Variants in TIGD4 observed in about 807,000 individuals in gnomAD.
The protein encoded by TIGD4 is tigger transposable element-derived protein 4.
In TIGD4, 20 loss-of-function variants were observed where a neutral mutation model predicts 24.9. That is an observed-to-expected ratio of 0.80 (90% CI 0.56 to 1.17). TIGD4 has a LOEUF of 1.17. Ranked by LOEUF, TIGD4 falls within the 50% of genes most tolerant of loss-of-function variation. The probability of loss-of-function intolerance (pLI) is 0.00; values close to 1 mark genes in which losing one functional copy is unlikely to be tolerated. For missense variants in TIGD4, 566 were observed against 591.0 expected, an observed-to-expected ratio of 0.96 and a Z score of 0.44; for synonymous variants, 193 against 211.0, an observed-to-expected ratio of 0.91 and a Z score of 0.74.
rs769162427 is a variant in TIGD4, at chr4:152,771,032, T to C, written c.-28A>G. 22 of 1,552,536 alleles carry C rather than the reference T, an allele frequency of 1.4e-5. No homozygotes were observed. The highest frequency in any genetic ancestry group is 6.8e-5 in the East Asian group (3 of 44,222). On this transcript the variant is annotated 5_prime_UTR_variant, in exon 2 of 2. Coordinates refer to ENST00000304337, the MANE Select transcript of TIGD4 (RefSeq NM_145720.4). ...CAGCCAGTGCTTATGTAGAGATTAC[T>C]CTTCTTAACTTCCTGGTGACTGTTT...
At position 152,770,922 on chromosome 4, in the gene TIGD4, T is replaced by C. The variant is rs769409339; in HGVS notation, c.83A>G (p.Asp28Gly). ...GCCACTTTCCACTGCATTTATGATG[T>C]CGATCTTTTCCTCAATGGATAGGCT... The part of the protein sequence containing the change: ...KKSLSIEEKI[D>G]IINAVESGKK... The change falls in exon 2 of 2, where the codon GAC becomes GGC. Residue 28 changes from aspartate to glycine, a missense_variant. Coordinates refer to ENST00000304337, the MANE Select transcript of TIGD4 (RefSeq NM_145720.4). The C allele has an allele frequency of 1.2e-6, 2 of 1,613,876 alleles. No homozygotes were observed. The highest frequency in any genetic ancestry group is 2.2e-5 in the South Asian group (2 of 91,040).
rs538209489 is a variant in TIGD4, at chr4:152,778,426, A to C, written c.-539+1056T>G. On this transcript the variant is annotated intron_variant, in intron 1 of 1. Coordinates refer to ENST00000304337, the MANE Select transcript of TIGD4 (RefSeq NM_145720.4). ...TCCTACACAATTACAGCAGTAATTAATTTAGATTGGGATTATTTTCTTATA... is the reference window on the plus strand; with the variant it reads ...TCCTACACAATTACAGCAGTAATTACTTTAGATTGGGATTATTTTCTTATA... Among the ~76,000 whole-genome samples the C allele has an allele frequency of 4.6e-5, 7 of 152,334 alleles. No homozygotes were observed. The East Asian group carries it at 1.3e-3, about 29-fold the overall frequency.
chr4:152,770,708 C>T lies in TIGD4; in HGVS notation c.297G>A (p.Gln99=). ...EALMRWYRIA[Q]CLNVPVNGPM... is the part of the protein sequence containing the mutation. The stretch of plus-strand genomic sequence containing the variant: ...GACCATTAACTGGTACATTTAGACA[C>T]TGAGCAATTCGATACCATCTCATTA... Residue 99 remains glutamine (Q), a synonymous_variant, in exon 2 of 2, where the codon CAG becomes CAA. Transcript: ENST00000304337. The T allele has an allele frequency of 6.2e-7, 1 of 1,613,660 alleles. No individual in the cohort carries two copies. The highest frequency in any genetic ancestry group is 8.5e-7 in the Non-Finnish European group (1 of 1,179,862).
At chr4:152,773,642 TAAAAAAAAA>T (rs71598212) in intron 1 of TIGD4, among the ~76,000 whole-genome samples, 1 of 82,132 alleles carries the variant, frequency 1.2e-5, no homozygotes, top group African/African-American at 5.3e-5. Flanking sequence ...TCCAATGCCT[TAAAAAAAAA>T]AAAAAAAAAA....
chr4:152,770,424 G>A lies in TIGD4; in HGVS notation c.581C>T (p.Thr194Ile). ...TTCGCCTTTAAATGCAAATGTATTG[G>A]TAGGTAACATTCGATAAAGCAGCCC... ...ETGLLYRMLP[T>I]NTFAFKGETC... Residue 194 changes from threonine to isoleucine, a missense_variant, in exon 2 of 2, where the codon ACC (threonine) becomes ATC (isoleucine). Transcript: ENST00000304337. 1 of 1,613,916 alleles carries A rather than the reference G, an allele frequency of 6.2e-7. No individual in the cohort carries two copies. The highest frequency in any genetic ancestry group is 2.2e-5 in the East Asian group (1 of 44,882).
intron 1 of TIGD4, among the ~76,000 whole-genome samples, chr4:152,775,106 G>A (rs1290636342): frequency 2.6e-5 from 4 of 151,990 alleles, no homozygotes; most frequent in African/African-American, 7.3e-5. Context: ...TAGTAGAGAC[G>A]GGGATTCACC....
rs1445402349 is a variant in TIGD4 at position 152,770,665 on chromosome 4, C to T, written c.340G>A (p.Ala114Thr). Residue 114 changes from alanine to threonine, a missense_variant, in exon 2 of 2, where the codon GCT (alanine) becomes ACT (threonine). Transcript: ENST00000304337. ...CCCAGTTTCTGGGCAAAATCATTAG[C>T]TTTTAGACGTAACATCGGACCATTA... ...PVNGPMLRLK[A>T]NDFAQKLGHN... is the part of the protein sequence containing the mutation. The T allele has an allele frequency of 1.2e-6, 2 of 1,608,324 alleles. No homozygotes were observed. Among genetic ancestry groups the T allele is most frequent in the South Asian group, 2.2e-5 (2 of 89,336 alleles).
Position 152,770,118 on chromosome 4 carries a change from AC to A in TIGD4, c.886del (p.Val296Ter). The A allele has an allele frequency of 6.2e-7, 1 of 1,614,054 alleles. No homozygotes were observed. On this transcript the variant is annotated frameshift_variant, in exon 2 of 2. Coordinates refer to ENST00000304337, the MANE Select transcript of TIGD4 (RefSeq NM_145720.4). LOFTEE classifies it high-confidence loss of function. The stretch of plus-strand genomic sequence containing the variant: ...TAACTCAATGGATTTTAGGTTCTTT[AC>A]CTCTGGATGTGCTGGAAAAGACTCA... ...FVESFPAHPE[V>X]KNLKSIELAF...
rs1366434511 is a variant in TIGD4 at position 152,770,244 on chromosome 4, GCTTCATAA to G, written c.753_760del (p.Tyr252Ter). ...GGAGGTCATCCATGCCATTCTGTTA[GCTTCATAA>G]CACACAGGCAATGATTTTAAACCTT... On this transcript the variant is annotated frameshift_variant, in exon 2 of 2. Transcript: ENST00000304337. LOFTEE classifies it high-confidence loss of function. 6.2e-7 allele frequency: 1 copy of G among 1,614,070 alleles called. No homozygotes were observed. Among genetic ancestry groups the G allele is most frequent in the African/African-American group, 1.3e-5 (1 of 75,044 alleles).
In TIGD4 at chr4:152,770,576, T is replaced by C; in HGVS notation, c.429A>G (p.Val143=). The C allele has an allele frequency of 1.9e-6, 3 of 1,611,236 alleles. No homozygotes were observed. The highest frequency in any genetic ancestry group is 2.5e-6 in the Non-Finnish European group (3 of 1,178,600). Residue 143 remains valine, a synonymous_variant, in exon 2 of 2, where the codon GTA becomes GTG. Coordinates refer to ENST00000304337, the MANE Select transcript of TIGD4 (RefSeq NM_145720.4). The part of the protein sequence containing the change: ...LDRFKSRYGL[V]FRAQPVEATG... ...TAGCTTCTACAGGTTGAGCTCTGAA[T>C]ACTAAACCATACCTGGATTTAAAAC...
intron 1 of TIGD4, among the ~76,000 whole-genome samples, chr4:152,777,882 T>C (rs1730284575): frequency 6.6e-6 from 1 of 152,136 alleles, no homozygotes; most frequent in Admixed American, 6.5e-5. Flanking sequence ...TTTCTAGTGT[T>C]TTCTTGGAGC....
rs1317183089 is a variant in TIGD4 at position 152,770,483 on chromosome 4, A to C, written c.522T>G (p.Tyr174Ter). The change falls in exon 2 of 2, where the codon TAT becomes TAG. Residue 174 changes from tyrosine (Y) to a stop codon, truncating the protein, a stop_gained. Coordinates refer to ENST00000304337, the MANE Select transcript of TIGD4 (RefSeq NM_145720.4). LOFTEE classifies it high-confidence loss of function. ...QNVLPYYLND[Y>*]HPKNVFNIKE... ...TTATATTAAAAACATTTTTAGGATGATAATCATTTAAATAATAAGGAAGTA... is the reference window on the plus strand; with the variant it reads ...TTATATTAAAAACATTTTTAGGATGCTAATCATTTAAATAATAAGGAAGTA... The C allele has an allele frequency of 6.2e-7, 1 of 1,610,688 alleles. No homozygotes were observed.
chr4:152,775,117 G>T (rs955977691), intron 1 of TIGD4, among the ~76,000 whole-genome samples: 1 of 152,034 alleles, frequency 6.6e-6, no homozygotes, highest in Non-Finnish European at 1.5e-5. Context: ...GGGATTCACC[G>T]TGTTAGTCAG....
Position 152,771,508 on chromosome 4 carries a change from T to C in TIGD4, c.-504A>G, listed in dbSNP as rs1355324554. 6.0e-6 allele frequency: 1 copy of C among 166,094 alleles called. No individual in the cohort carries two copies. The highest frequency in any genetic ancestry group is 1.5e-5 in the Non-Finnish European group (1 of 68,138). 10.3% of individuals were successfully genotyped at this position (166,094 alleles called of 1,614,324 possible). On this transcript the variant is annotated 5_prime_UTR_variant, in exon 2 of 2. Transcript: ENST00000304337. ...TTGTTCATGGTAAAGAAGAAAATGG[T>C]AGAATCCTTCTAGAACTTGCCAGTA...
rs953387760 is a variant in TIGD4, at chr4:152,779,665, C to G, written c.-722G>C. ...GAGGCGGAGGCCTCCTGGAGACCTTCGACCTCTCAAGACCAGGCAGGGGCG... is the reference window on the plus strand; with the variant it reads ...GAGGCGGAGGCCTCCTGGAGACCTTGGACCTCTCAAGACCAGGCAGGGGCG... On this transcript the variant is annotated 5_prime_UTR_variant, in exon 1 of 2. Coordinates refer to ENST00000304337, the MANE Select transcript of TIGD4 (RefSeq NM_145720.4). 1 of 152,418 alleles carries G rather than the reference C, an allele frequency of 6.6e-6. No homozygotes were observed. The highest frequency in any genetic ancestry group is 1.5e-5 in the Non-Finnish European group (1 of 68,214). 9.4% of individuals were successfully genotyped at this position (152,418 alleles called of 1,614,324 possible).
Position 152,769,951 on chromosome 4 carries a change from G to A in TIGD4, c.1054C>T (p.Leu352=), listed in dbSNP as rs139641622. Residue 352 remains leucine (L), a synonymous_variant, in exon 2 of 2, where the codon CTA becomes TTA. Transcript: ENST00000304337. Reference sequence around the variant, plus strand: ...TGCAATGTATCAACTGCATCTAGTAGTGAAAATGTAAATTCTTTGCTACCT... The same window carrying A: ...TGCAATGTATCAACTGCATCTAGTAATGAAAATGTAAATTCTTTGCTACCT... The part of the protein sequence containing the change: ...VEGSKEFTFS[L]LDAVDTLHLC... 3.1e-6 allele frequency: 5 copies of A among 1,612,916 alleles called. No individual in the cohort carries two copies. In the African/African-American group the frequency reaches 6.7e-5, roughly 22 times the overall value.
Position 152,769,669 on chromosome 4 carries a change from A to G in TIGD4, c.1336T>C (p.Ser446Pro), listed in dbSNP as rs1730122738. 1.2e-6 allele frequency: 2 copies of G among 1,613,002 alleles called. No homozygotes were observed. The highest frequency in any genetic ancestry group is 1.7e-5 in the Admixed American group (1 of 59,866). ...GAAGTGTAAAATCCAGTTTCATCCG[A>G]TTTACTTTCTTTGGTGCATATGGAA... ...GDSICTKESK[S>P]DETGFYTSDE... Residue 446 changes from serine (S) to proline (P), a missense_variant, in exon 2 of 2, where the codon TCG becomes CCG. Coordinates refer to ENST00000304337, the MANE Select transcript of TIGD4 (RefSeq NM_145720.4).
intron 1 of TIGD4, among the ~76,000 whole-genome samples, chr4:152,772,869 G>A (rs1220640914): frequency 6.6e-6 from 1 of 151,986 alleles, no homozygotes; most frequent in Non-Finnish European, 1.5e-5. Flanking sequence ...ACGCCACCAC[G>A]TCCAGCTAAT....
Position 152,771,088 on chromosome 4 carries a change from T to G in TIGD4, c.-84A>C. On this transcript the variant is annotated 5_prime_UTR_variant, in exon 2 of 2. Transcript: ENST00000304337. ...ATTAAATTTGTTTTCCAGTATAATA[T>G]AGATTGCTGCTTTCTATCCTACTTT... The G allele has an allele frequency of 6.9e-7, 1 of 1,446,072 alleles. No individual in the cohort carries two copies. The highest frequency in any genetic ancestry group is 9.1e-7 in the Non-Finnish European group (1 of 1,095,022). The allele number at this position is 1,446,072 out of a possible 1,614,324, so 89.6% of individuals were successfully genotyped here.
Sources: allele counts gnomAD v4.1 joint callset (sites outside exome capture counted in the v4.1 genomes callset), GRCh38; gene constraint gnomAD v4.1.1; transcripts MANE v1.5; gene names NCBI Gene and HGNC (gene_info 2026-07-23, HGNC 2026-07-21).